The following KATNIP variants were observed in gnomAD, a reference collection of about 807,000 sequenced individuals.
KATNIP encodes the protein katanin-interacting protein.
Under a neutral mutation model 174.0 loss-of-function variants are expected in KATNIP, and 126 were observed. The observed-to-expected ratio is 0.72, with a 90% CI of 0.63 to 0.84. KATNIP has a LOEUF of 0.84. Among genes scored for constraint, KATNIP ranks in the 40% least tolerant of loss-of-function variants. The pLI is 0.00. For synonymous variants in KATNIP, 810 were observed against 835.7 expected (o/e 0.97, Z 0.53); for missense variants, 1,958 against 2,109.7 (o/e 0.93, Z 1.41).
At chr16:27,766,213 G>A (rs1056201164) in intron 19 of KATNIP, 96 bp from the exon 20 acceptor site, 11 of 1,327,998 alleles carry the variant, frequency 8.3e-6, no homozygotes, top group Middle Eastern at 2.6e-4. Context: ...GCCAGGCAGT[G>A]GGGACGTACT....
chr16:27,697,365 G>A (rs1470507938), intron 8 of KATNIP, among the ~76,000 whole-genome samples: 1 of 151,910 alleles, frequency 6.6e-6, no homozygotes, highest in Non-Finnish European at 1.5e-5. Context: ...GGTGTGAGAT[G>A]GTATCTCCTT....
rs117223675 is a variant in KATNIP at position 27,605,619 on chromosome 16, G to T, written c.64-12806G>T. ...TATCCATCTGGCATGCGCGTAGGAT[G>T]TAATATTTTGTTAGGACACCTATCC... On this transcript the variant is annotated intron_variant, in intron 2 of 27. Coordinates refer to ENST00000261588, the MANE Select transcript of KATNIP (RefSeq NM_015202.5). Among the ~76,000 whole-genome samples, 544 of 152,304 alleles carry T rather than the reference G, an allele frequency of 3.6e-3. 1 individual carries two copies. The highest frequency in any genetic ancestry group is 6.8e-3 in the Middle Eastern group (2 of 294).
chr16:27,777,977 G>T lies in KATNIP; in HGVS notation c.4801+8G>T. The stretch of plus-strand genomic sequence containing the variant: ...AGAGCGTTGTTGACCCAGGTCAGTG[G>T]CGTTTCTCTGCCCAGAGCATTGTGC... On this transcript the variant is annotated splice_region_variant and intron_variant, in intron 27 of 27. Transcript: ENST00000261588. The surrounding 1 kb of genome is among the most constrained non-coding windows in gnomAD (Gnocchi z 4.4). The T allele has an allele frequency of 6.2e-7, 1 of 1,612,950 alleles. No individual in the cohort carries two copies. Among genetic ancestry groups the T allele is most frequent in the South Asian group, 1.1e-5 (1 of 91,044 alleles).
chr16:27,738,828 T>C (rs545007452), intron 14 of KATNIP, among the ~76,000 whole-genome samples: 8 of 152,280 alleles, frequency 5.3e-5, no homozygotes, highest in African/African-American at 1.9e-4. Context: ...ATGTGGACAG[T>C]GCCCTGCCTC....
chr16:27,773,468 C>T (rs1157081613), intron 23 of KATNIP, among the ~76,000 whole-genome samples: 1 of 152,172 alleles, frequency 6.6e-6, no homozygotes, highest in Non-Finnish European at 1.5e-5. Flanking sequence ...AGGCTGCCAA[C>T]TATAGCGCCC....
intron 14 of KATNIP, among the ~76,000 whole-genome samples, chr16:27,734,223 T>C (rs1301947763): frequency 6.6e-6 from 1 of 151,710 alleles, no homozygotes; most frequent in Non-Finnish European, 1.5e-5. Flanking sequence ...GCTGAGATTA[T>C]AGGTGCCTGC....
intron 3 of KATNIP, among the ~76,000 whole-genome samples, chr16:27,624,171 G>A (rs1203641062): frequency 6.6e-6 from 1 of 151,516 alleles, no homozygotes. Context: ...ACTTTTGTGG[G>A]CAAGTTTTCC....
At chr16:27,644,300 G>GCATGAACCA (rs2076894299) in intron 5 of KATNIP, 1 of 152,100 alleles carries the variant, frequency 6.6e-6, no homozygotes, top group Non-Finnish European at 1.5e-5. Context: ...GGGATTACAG[G>GCATGAACCA]CATGAACCAC....
At chr16:27,647,367 G>A (rs1227976526) in intron 5 of KATNIP, among the ~76,000 whole-genome samples, 7 of 151,974 alleles carry the variant, frequency 4.6e-5, no homozygotes, top group Non-Finnish European at 2.9e-5. Context: ...TTAAAGACAG[G>A]GTGTCACATT....
chr16:27,660,210 G>A (rs1366883760), intron 6 of KATNIP, among the ~76,000 whole-genome samples: 4 of 152,078 alleles, frequency 2.6e-5, no homozygotes, highest in Non-Finnish European at 4.4e-5. Context: ...CTCTGAAATC[G>A]TAAATCCTAG....
At chr16:27,759,886 C>T (rs1169809949) in intron 18 of KATNIP, among the ~76,000 whole-genome samples, 1 of 152,186 alleles carries the variant, frequency 6.6e-6, no homozygotes, top group South Asian at 2.1e-4. Flanking sequence ...CCACTTTGCA[C>T]GTGAATGATG....
chr16:27,555,223 G>A (rs1014774864), intron 1 of KATNIP, among the ~76,000 whole-genome samples: 2 of 152,142 alleles, frequency 1.3e-5, no homozygotes, highest in African/African-American at 2.4e-5. Flanking sequence ...TACTTCCTAC[G>A]TTCACAAAAG....
intron 2 of KATNIP, among the ~76,000 whole-genome samples, chr16:27,591,158 T>C (rs2075148038): frequency 6.6e-6 from 1 of 152,076 alleles, no homozygotes; most frequent in Admixed American, 6.5e-5. Flanking sequence ...CTGATCAGTA[T>C]AGAATATAGG....
intron 3 of KATNIP, among the ~76,000 whole-genome samples, chr16:27,621,660 G>C (rs980264889): frequency 1.3e-5 from 2 of 151,750 alleles, no homozygotes; most frequent in Non-Finnish European, 2.9e-5. Context: ...GATTCTGCAG[G>C]CTGTACAGGA....
At chr16:27,625,964 C>G (rs373756217) in intron 3 of KATNIP, among the ~76,000 whole-genome samples, 1 of 152,016 alleles carries the variant, frequency 6.6e-6, no homozygotes, top group Non-Finnish European at 1.5e-5. Context: ...ATCCTCCTGC[C>G]CCAGCCTCCC....
At chr16:27,702,858 C>T (rs2079150548) in intron 11 of KATNIP, among the ~76,000 whole-genome samples, 1 of 152,094 alleles carries the variant, frequency 6.6e-6, no homozygotes, top group South Asian at 2.1e-4. Flanking sequence ...AATAAGAACT[C>T]GCAGATTCCC....
chr16:27,586,908 ACTT>A lies in KATNIP; in HGVS notation c.63+12962_63+12964del, dbSNP rs563543179. Among the ~76,000 whole-genome samples the A allele has an allele frequency of 3.5e-3, 528 of 151,278 alleles. 2 individuals are homozygous for A. The highest frequency in any genetic ancestry group is 0.017 in the Middle Eastern group (5 of 292). On this transcript the variant is annotated intron_variant, in intron 2 of 27. Coordinates refer to ENST00000261588, the MANE Select transcript of KATNIP (RefSeq NM_015202.5). Reference sequence around the variant, plus strand: ...TTCAATAAAATTCTGGACTTTTCCAACTTCTTCTTCTTTTTTTTTTTTTTTAAT... The same window carrying A: ...TTCAATAAAATTCTGGACTTTTCCAACTTCTTCTTTTTTTTTTTTTTTAAT...
At chr16:27,656,033 T>A (rs946985341) in intron 6 of KATNIP, among the ~76,000 whole-genome samples, 5 of 152,106 alleles carry the variant, frequency 3.3e-5, no homozygotes, top group African/African-American at 1.2e-4. Flanking sequence ...AAAATGTGGA[T>A]GAAAAATGTT....
At chr16:27,552,685 A>AG (rs1305049824) in intron 1 of KATNIP, among the ~76,000 whole-genome samples, 21 of 127,624 alleles carry the variant, frequency 1.6e-4, no homozygotes, top group African/African-American at 6.3e-4. Flanking sequence ...TGCAAGTGGC[A>AG]GTTTTTTTTT....
Sources: gnomAD v4.1 joint callset for allele counts (sites outside exome capture counted in the v4.1 genomes callset) on GRCh38, gnomAD v4.1.1 for gene constraint, Gnocchi (gnomAD v3.1) non-coding constraint, MANE v1.5 for transcripts, NCBI Gene and HGNC (gene_info 2026-07-23, HGNC 2026-07-21) for gene names.